The following SDK2 variants were observed in gnomAD, a reference collection of about 807,000 sequenced individuals.
SDK2 encodes sidekick cell adhesion molecule 2.
Under a neutral mutation model 253.9 loss-of-function variants are expected in SDK2, and 105 were observed. The ratio of observed to expected loss-of-function variants is 0.41; its 90% CI spans 0.35 to 0.49. The LOEUF is 0.49. SDK2 is among the 20% of genes least tolerant of loss of function. SDK2 has a pLI of 0.06. For missense variants in SDK2, 2,608 were observed against 3,003.0 expected, an observed-to-expected ratio of 0.87 and a Z score of 3.07; for synonymous variants, 1,249 against 1,234.9, an observed-to-expected ratio of 1.01 and a Z score of -0.24.
rs746724792 is a variant in SDK2 at position 73,415,822 on chromosome 17, G to A, written c.2357C>T (p.Thr786Met). ...GVYSSKVTEW[T>M]LQGVPTVPPG... ...CAGTCTCTACCTACCTCCCTGCAGC[G>A]TCCACTCGGTGACTTTACTGCTGTA... is the stretch of plus-strand genomic sequence containing the variant. The change falls in exon 17 of 45, where the codon ACG becomes ATG. Residue 786 changes from threonine (T) to methionine (M), a missense_variant. Physicochemically the swap from Thr to Met is moderately conservative, Grantham distance 81. Coordinates refer to ENST00000392650, the MANE Select transcript of SDK2 (RefSeq NM_001144952.2). 7 of 1,552,698 alleles carry A rather than the reference G, an allele frequency of 4.5e-6. No homozygotes were observed. Among genetic ancestry groups the A allele is most frequent in the Non-Finnish European group, 6.1e-6 (7 of 1,147,612 alleles).
chr17:73,504,215 T>TGAGAGA (rs1157339927), intron 2 of SDK2: 19 of 81,794 alleles, frequency 2.3e-4, no homozygotes, highest in African/African-American at 5.6e-4. Flanking sequence ...TGTGTGTGTG[T>TGAGAGA]GAGAGAGAGA....
chr17:73,549,718 G>A (rs1179171295), intron 1 of SDK2, among the ~76,000 whole-genome samples: 1 of 152,108 alleles, frequency 6.6e-6, no homozygotes, highest in Non-Finnish European at 1.5e-5. Context: ...AATGCGGCAG[G>A]TCCCATCAGC....
intron 1 of SDK2, among the ~76,000 whole-genome samples, chr17:73,556,332 A>ATTG (rs1369770719): frequency 2.5e-5 from 3 of 120,526 alleles, no homozygotes; most frequent in East Asian, 2.7e-4. Flanking sequence ...GGTTTTTTTT[A>ATTG]TTGTTGTTGT....
At chr17:73,349,869 G>A (rs529772475) in intron 43 of SDK2, among the ~76,000 whole-genome samples, 7 of 152,166 alleles carry the variant, frequency 4.6e-5, no homozygotes, top group African/African-American at 1.7e-4. Flanking sequence ...GGCCAGTGAC[G>A]ATCTGCAGGG....
At chr17:73,416,600 TA>T (rs1201578655) in intron 16 of SDK2, among the ~76,000 whole-genome samples, 2 of 151,966 alleles carry the variant, frequency 1.3e-5, no homozygotes, top group African/African-American at 4.8e-5. Context: ...TATTTTATTT[TA>T]TTTTTTTAGA....
intron 3 of SDK2, among the ~76,000 whole-genome samples, chr17:73,471,658 G>A (rs1338478257): frequency 1.3e-5 from 2 of 152,126 alleles, no homozygotes; most frequent in African/African-American, 4.8e-5. Flanking sequence ...CTGAGAAGAG[G>A]GTTGTAGCTG....
In SDK2 at chr17:73,388,992, C is replaced by T. The variant is rs527628731; in HGVS notation, c.4193-955G>A. ...CTCCCTTCCCTTCCCCTTCCCCTTCCCCTCCTTCCTTTTTCTTTCGTTATT... is the reference window on the plus strand; with the variant it reads ...CTCCCTTCCCTTCCCCTTCCCCTTCTCCTCCTTCCTTTTTCTTTCGTTATT... On this transcript the variant is annotated intron_variant, in intron 29 of 44. Transcript: ENST00000392650. Among the ~76,000 whole-genome samples, 63 of 133,108 alleles carry T rather than the reference C, an allele frequency of 4.7e-4. 2 individuals are homozygous for T. Among genetic ancestry groups the T allele is most frequent in the Non-Finnish European group, 9.7e-4 (61 of 62,858 alleles). The allele number at this position is 133,108 out of a possible 152,430, so 87.3% of individuals were successfully genotyped here.
chr17:73,476,462 T>C (rs1351918073), intron 2 of SDK2, among the ~76,000 whole-genome samples: 1 of 152,236 alleles, frequency 6.6e-6, no homozygotes, highest in African/African-American at 2.4e-5. Flanking sequence ...ATATATTGCT[T>C]TTATTTTAAA....
rs564626270 is a variant in SDK2, at chr17:73,438,229, T to G, written c.726-75A>C. Reference sequence around the variant, plus strand: ...GCCTGAGAGGCAGGGCAGGGGGTGGTAAGGAGTGTGGGCTTGGGAGCCGGG... The same window carrying G: ...GCCTGAGAGGCAGGGCAGGGGGTGGGAAGGAGTGTGGGCTTGGGAGCCGGG... On this transcript the variant is annotated intron_variant, in intron 6 of 44. Coordinates refer to ENST00000392650, the MANE Select transcript of SDK2 (RefSeq NM_001144952.2). 849 of 1,399,972 alleles carry G rather than the reference T, an allele frequency of 6.1e-4. 6 individuals carry two copies. Among genetic ancestry groups the G allele is most frequent in the South Asian group, 4.0e-3 (292 of 72,788 alleles). 86.7% of individuals were successfully genotyped at this position (1,399,972 alleles called of 1,614,324 possible).
At chr17:73,615,862 C>T (rs2143160966) in intron 1 of SDK2, among the ~76,000 whole-genome samples, 1 of 152,286 alleles carries the variant, frequency 6.6e-6, no homozygotes, top group South Asian at 2.1e-4. Flanking sequence ...TAACATACAA[C>T]ACATACACAC....
At chr17:73,637,066 T>C (rs551446783) in intron 1 of SDK2, among the ~76,000 whole-genome samples, 104 of 152,290 alleles carry the variant, frequency 6.8e-4, no homozygotes, top group African/African-American at 2.4e-3. Context: ...ATCCTATACA[T>C]ACCACTTCTT....
intron 1 of SDK2, among the ~76,000 whole-genome samples, chr17:73,626,443 C>CA (rs1374859968): frequency 3.3e-5 from 5 of 152,214 alleles, no homozygotes; most frequent in African/African-American, 1.2e-4. Flanking sequence ...GAATTTAAGC[C>CA]AAGTCCTTCA....
At chr17:73,358,460 G>A (rs2062611626) in intron 39 of SDK2, among the ~76,000 whole-genome samples, 1 of 152,174 alleles carries the variant, frequency 6.6e-6, no homozygotes, top group South Asian at 2.1e-4. Flanking sequence ...GGTCCAGAAA[G>A]GTCCCTGGAG....
Position 73,334,505 on chromosome 17 carries a change from C to G in SDK2, c.*4082G>C, listed in dbSNP as rs566751969. On this transcript the variant is annotated 3_prime_UTR_variant, in exon 45 of 45. Coordinates refer to ENST00000392650, the MANE Select transcript of SDK2 (RefSeq NM_001144952.2). The stretch of plus-strand genomic sequence containing the variant: ...CATTTAAAAAATAAACCTGCTAACA[C>G]GCTATATGACATAGAGATATATATT... The G allele has an allele frequency of 3.9e-5, 6 of 152,176 alleles. No individual in the cohort carries two copies. The highest frequency in any genetic ancestry group is 3.9e-4 in the Admixed American group (6 of 15,280). 9.4% of individuals were successfully genotyped at this position (152,176 alleles called of 1,614,324 possible).
intron 1 of SDK2, among the ~76,000 whole-genome samples, chr17:73,576,594 T>C (rs978240972): frequency 2.0e-5 from 3 of 152,222 alleles, no homozygotes; most frequent in Non-Finnish European, 4.4e-5. Context: ...TTCTCATCAC[T>C]GTCCAACATC....
chr17:73,488,216 C>T (rs2063782251), intron 2 of SDK2, among the ~76,000 whole-genome samples: 1 of 152,126 alleles, frequency 6.6e-6, no homozygotes, highest in African/African-American at 2.4e-5. Flanking sequence ...CGGGGTTTCA[C>T]CGTGTTAGCC....
At position 73,381,856 on chromosome 17, in the gene SDK2, T is replaced by C. The variant is rs1175353158; in HGVS notation, c.4706-906A>G. Among the ~76,000 whole-genome samples the C allele has an allele frequency of 4.6e-5, 7 of 150,640 alleles. No individual in the cohort carries two copies. The South Asian group carries it at 8.4e-4, about 18-fold the overall frequency. On this transcript the variant is annotated intron_variant, in intron 33 of 44. Transcript: ENST00000392650. ...GGCAGCAGAGCTGAGATCATGCCAC[T>C]GTACTCTAGCCTGGGTGACAGAGCA...
At chr17:73,478,000 T>C (rs1039460384) in intron 2 of SDK2, among the ~76,000 whole-genome samples, 3 of 152,206 alleles carry the variant, frequency 2.0e-5, no homozygotes, top group African/African-American at 7.2e-5. Context: ...AGGAAATATA[T>C]TCACAATTCA....
At chr17:73,355,174 A>ATATATGTATTTTTTTTTT in intron 40 of SDK2, among the ~76,000 whole-genome samples, 4 of 47,240 alleles carry the variant, frequency 8.5e-5, no homozygotes, top group South Asian at 3.6e-3. Flanking sequence ...ATATATATAT[A>ATATATGTATTTTTTTTTT]TTTTTTTTTT....
Sources: allele counts gnomAD v4.1 joint callset (sites outside exome capture counted in the v4.1 genomes callset), GRCh38; gene constraint gnomAD v4.1.1; transcripts MANE v1.5; gene names NCBI Gene and HGNC (gene_info 2026-07-23, HGNC 2026-07-21).